The following LCAT variants were observed in gnomAD, a reference collection of about 807,000 sequenced individuals.
The protein encoded by LCAT is phosphatidylcholine-sterol acyltransferase.
In LCAT, 15 loss-of-function variants were observed where a neutral mutation model predicts 41.0. The ratio of observed to expected loss-of-function variants is 0.37; its 90% CI spans 0.24 to 0.56. The LOEUF is 0.56. LCAT is among the 20% of genes least tolerant of loss of function. The pLI is 0.81. For missense variants in LCAT, 449 were observed against 595.1 expected (o/e 0.75, Z 2.55); for synonymous variants, 248 against 245.4 (o/e 1.01, Z -0.10).
rs2151320023 is a variant in LCAT at position 67,940,480 on chromosome 16, T to C, written c.749-2A>G. On this transcript the variant is annotated splice_acceptor_variant, in intron 5 of 5. Transcript: ENST00000264005. LOFTEE classifies it high-confidence loss of function. Reference sequence around the variant, plus strand: ...TGATGGGGATGCCCTGGTTGTCACCTGTGGATATGGAGCAAGGTGGGACAG... The same window carrying C: ...TGATGGGGATGCCCTGGTTGTCACCCGTGGATATGGAGCAAGGTGGGACAG... 1 of 1,613,866 alleles carries C rather than the reference T, an allele frequency of 6.2e-7. No homozygotes were observed. Among genetic ancestry groups the C allele is most frequent in the East Asian group, 2.2e-5 (1 of 44,854 alleles).
Position 67,942,777 on chromosome 16 carries a change from A to T in LCAT, c.428-11T>A. 6.2e-7 allele frequency: 1 copy of T among 1,612,738 alleles called. No individual in the cohort carries two copies. ...GTGTGTGCAGGTACCCTGTGGGGGGACCAGCAGCACCGGGGGCTTGGGCCA... is the reference window on the plus strand; with the variant it reads ...GTGTGTGCAGGTACCCTGTGGGGGGTCCAGCAGCACCGGGGGCTTGGGCCA... On this transcript the variant is annotated splice_polypyrimidine_tract_variant and intron_variant, in intron 3 of 5. Transcript: ENST00000264005. This position sits in a 1 kb window ranked among gnomAD's most constrained non-coding sequence, Gnocchi z 6.6.
Position 67,943,268 on chromosome 16 carries a change from C to T in LCAT, c.155-56G>A, listed in dbSNP as rs17240371. On this transcript the variant is annotated intron_variant, in intron 1 of 5. Coordinates refer to ENST00000264005, the MANE Select transcript of LCAT (RefSeq NM_000229.2). The surrounding 1 kb of genome is among the most constrained non-coding windows in gnomAD (Gnocchi z 4.6). ...GGATTCCCCCCGTGACCCTTACCCC[C>T]GTCACCCCAGATGCTGCAGTGACCA... 4,737 of 1,597,488 alleles carry T rather than the reference C, an allele frequency of 3.0e-3. 46 individuals are homozygous for T. The highest frequency in any genetic ancestry group is 0.017 in the South Asian group (1,508 of 90,562).
At position 67,942,019 on chromosome 16, in the gene LCAT, G is replaced by A. The variant is rs996605090; in HGVS notation, c.748+344C>T. 4.9e-6 allele frequency: 6 copies of A among 1,225,922 alleles called. No individual in the cohort carries two copies. The highest frequency in any genetic ancestry group is 6.2e-6 in the Non-Finnish European group (6 of 967,344). The allele number at this position is 1,225,922 out of a possible 1,614,324, so 75.9% of individuals were successfully genotyped here. A position where few individuals can be genotyped will look rare whatever the true frequency, so the allele number is the denominator to read the frequency against. On this transcript the variant is annotated intron_variant, in intron 5 of 5. Transcript: ENST00000264005. The surrounding 1 kb of genome is among the most constrained non-coding windows in gnomAD (Gnocchi z 6.6). Reference sequence around the variant, plus strand: ...CTCTGGCAGATCCATCCTCAGTGAAGCACATCCCTGGGCAAAGGCACTCCT... The same window carrying A: ...CTCTGGCAGATCCATCCTCAGTGAAACACATCCCTGGGCAAAGGCACTCCT...
Position 67,943,795 on chromosome 16 carries a change from G to A in LCAT, c.154+153C>T. On this transcript the variant is annotated intron_variant, in intron 1 of 5. Coordinates refer to ENST00000264005, the MANE Select transcript of LCAT (RefSeq NM_000229.2). The surrounding 1 kb of genome is among the most constrained non-coding windows in gnomAD (Gnocchi z 4.6). Reference sequence around the variant, plus strand: ...GGAGAAGGGACGTCATTCCTCTAAGGGACAAGCTTTTGGCCCCTCCCCACA... The same window carrying A: ...GGAGAAGGGACGTCATTCCTCTAAGAGACAAGCTTTTGGCCCCTCCCCACA... 1 of 707,300 alleles carries A rather than the reference G, an allele frequency of 1.4e-6. No individual in the cohort carries two copies. The highest frequency in any genetic ancestry group is 2.3e-6 in the Non-Finnish European group (1 of 430,984). 43.8% of individuals were successfully genotyped at this position (707,300 alleles called of 1,614,324 possible).
chr16:67,941,982 G>T lies in LCAT; in HGVS notation c.748+381C>A, dbSNP rs147412644. On this transcript the variant is annotated intron_variant, in intron 5 of 5. Transcript: ENST00000264005. ...GGAAGAGCAGGTGGGGCCTCGGGGG[G>T]TCTGGCCCTAGCTCTGGCAGATCCA... 6 of 1,198,942 alleles carry T rather than the reference G, an allele frequency of 5.0e-6. No homozygotes were observed. The African/African-American group carries it at 9.5e-5, about 19-fold the overall frequency. 74.3% of individuals were successfully genotyped at this position (1,198,942 alleles called of 1,614,324 possible).
intron 5 of LCAT, among the ~76,000 whole-genome samples, chr16:67,941,136 T>G (rs1042973555): frequency 3.3e-5 from 5 of 151,748 alleles, no homozygotes. Flanking sequence ...AAACCTAATC[T>G]CTACTAAAAA....
Position 67,942,567 on chromosome 16 carries a change from G to A in LCAT, c.544C>T (p.Arg182Cys), listed in dbSNP as rs387906300. 17 of 1,613,336 alleles carry A rather than the reference G, an allele frequency of 1.1e-5. No homozygotes were observed. Among genetic ancestry groups the A allele is most frequent in the South Asian group, 6.6e-5 (6 of 91,090 alleles). ...LEPGQQEEYY[R>C]KLAGLVEEMH... ...TCCTCCACCAGCCCTGCGAGCTTGC[G>A]GTAGTACTCCTCCTGCTGGCCTGCA... Residue 182 changes from arginine (R) to cysteine (C), a missense_variant, in exon 5 of 6, where the codon CGC becomes TGC. Transcript: ENST00000264005. The surrounding 1 kb of genome is among the most constrained non-coding windows in gnomAD (Gnocchi z 6.6).
chr16:67,944,119 C>A lies in LCAT; in HGVS notation c.-18G>T. On this transcript the variant is annotated 5_prime_UTR_variant, in exon 1 of 6. Transcript: ENST00000264005. This position sits in a 1 kb window ranked among gnomAD's most constrained non-coding sequence, Gnocchi z 6.6. ...GGCCCCATTCCAGCCCTGGTGCCTA[C>A]TGCCAGAGAAAGCGGCACTGGGCTG... The A allele has an allele frequency of 1.1e-5, 17 of 1,546,634 alleles. No homozygotes were observed. The highest frequency in any genetic ancestry group is 1.5e-5 in the Non-Finnish European group (17 of 1,145,442).
chr16:67,942,568 G>A lies in LCAT; in HGVS notation c.543C>T (p.Tyr181=), dbSNP rs764625130. Residue 181 remains tyrosine (Y), a synonymous_variant, in exon 5 of 6, where the codon TAC becomes TAT. Transcript: ENST00000264005. The surrounding 1 kb of genome is among the most constrained non-coding windows in gnomAD (Gnocchi z 6.6). Reference sequence around the variant, plus strand: ...CCTCCACCAGCCCTGCGAGCTTGCGGTAGTACTCCTCCTGCTGGCCTGCAG... The same window carrying A: ...CCTCCACCAGCCCTGCGAGCTTGCGATAGTACTCCTCCTGCTGGCCTGCAG... ...RLEPGQQEEY[Y]RKLAGLVEEM... 1 of 1,613,472 alleles carries A rather than the reference G, an allele frequency of 6.2e-7. No individual in the cohort carries two copies. Among genetic ancestry groups the A allele is most frequent in the South Asian group, 1.1e-5 (1 of 91,090 alleles).
At chr16:67,941,676 G>A in intron 5 of LCAT, 1 of 991,632 alleles carries the variant, frequency 1.0e-6, no homozygotes, top group South Asian at 4.5e-5. Flanking sequence ...GATGGTGGGT[G>A]AGGCCCAGGA....
rs1465968907 is a variant in LCAT, at chr16:67,942,526, A to G, written c.585T>C (p.Tyr195=). 1.9e-6 allele frequency: 3 copies of G among 1,613,546 alleles called. No individual in the cohort carries two copies. The highest frequency in any genetic ancestry group is 1.7e-5 in the Admixed American group (1 of 60,006). Residue 195 remains tyrosine (Y), a synonymous_variant, in exon 5 of 6, where the codon TAT becomes TAC. Coordinates refer to ENST00000264005, the MANE Select transcript of LCAT (RefSeq NM_000229.2). This position sits in a 1 kb window ranked among gnomAD's most constrained non-coding sequence, Gnocchi z 6.6. ...GGCCAATGAGGAAGACAGGCTTCCC[A>G]TAGGCAGCGTGCATCTCCTCCACCA... The part of the protein sequence containing the change: ...AGLVEEMHAA[Y]GKPVFLIGHS...
Position 67,942,183 on chromosome 16 carries a change from C to T in LCAT, c.748+180G>A. The T allele has an allele frequency of 7.6e-7, 1 of 1,322,326 alleles. No individual in the cohort carries two copies. Among genetic ancestry groups the T allele is most frequent in the Non-Finnish European group, 1.0e-6 (1 of 963,158 alleles). The allele number at this position is 1,322,326 out of a possible 1,614,324, so 81.9% of individuals were successfully genotyped here. A position where few individuals can be genotyped will look rare whatever the true frequency, so the allele number is the denominator to read the frequency against. ...TCACTGACACAGACTCTGGAAGGAG[C>T]CACCCTAATTGCTCAGGCCAGGGTC... is the stretch of plus-strand genomic sequence containing the variant. On this transcript the variant is annotated intron_variant, in intron 5 of 5. Transcript: ENST00000264005. The surrounding 1 kb of genome is among the most constrained non-coding windows in gnomAD (Gnocchi z 6.6).
In LCAT at chr16:67,943,733, C is replaced by G; in HGVS notation, c.154+215G>C. 1 of 580,712 alleles carries G rather than the reference C, an allele frequency of 1.7e-6. No homozygotes were observed. The highest frequency in any genetic ancestry group is 3.0e-6 in the Non-Finnish European group (1 of 332,442). 36.0% of individuals were successfully genotyped at this position (580,712 alleles called of 1,614,324 possible). ...GGCACACCCCGTCCCCCACTCCGCC[C>G]CCCCTGGGTTAGACAACTGAGAGTC... On this transcript the variant is annotated intron_variant, in intron 1 of 5. Transcript: ENST00000264005. This position sits in a 1 kb window ranked among gnomAD's most constrained non-coding sequence, Gnocchi z 4.6.
rs765059218 is a variant in LCAT, at chr16:67,943,099, T to A, written c.268A>T (p.Met90Leu). 2.4e-5 allele frequency: 38 copies of A among 1,613,862 alleles called. No homozygotes were observed. Among genetic ancestry groups the A allele is most frequent in the Non-Finnish European group, 3.1e-5 (37 of 1,179,936 alleles). ...CAGTCTACCCCAAGGGGTAGGAACA[T>A]GTTGAGATCCAGCCAGATGGTGAAG... ...DFFTIWLDLNMFLPLGVDCWI... is the reference protein window; with the variant it reads ...DFFTIWLDLNLFLPLGVDCWI... The change falls in exon 2 of 6, where the codon ATG (methionine) becomes TTG (leucine). Residue 90 changes from methionine (M) to leucine (L), a missense_variant. By Grantham distance (15) the Met-to-Leu change is conservative. Coordinates refer to ENST00000264005, the MANE Select transcript of LCAT (RefSeq NM_000229.2). This position sits in a 1 kb window ranked among gnomAD's most constrained non-coding sequence, Gnocchi z 4.6.
At chr16:67,941,848 G>C in intron 5 of LCAT, 2 of 1,057,646 alleles carry the variant, frequency 1.9e-6, no homozygotes, top group Non-Finnish European at 2.3e-6. Context: ...TCTGATGAGC[G>C]TTTCTCTTGT....
chr16:67,940,833 TACAAA>T, intron 5 of LCAT: 2 of 89,932 alleles, frequency 2.2e-5, no homozygotes, highest in Non-Finnish European at 4.0e-5. Flanking sequence ...ACCCTGTCTC[TACAAA>T]AAAAAAAAAA....
chr16:67,943,715 C>G lies in LCAT; in HGVS notation c.154+233G>C, dbSNP rs1050799711. 12 of 566,604 alleles carry G rather than the reference C, an allele frequency of 2.1e-5. No individual in the cohort carries two copies. In the Admixed American group the frequency reaches 2.2e-4, roughly 10 times the overall value. The allele number at this position is 566,604 out of a possible 1,614,324, so 35.1% of individuals were successfully genotyped here. A position where few individuals can be genotyped will look rare whatever the true frequency, so the allele number is the denominator to read the frequency against. ...GCCCCAGCCAAGACCTCAGGCACACCCCGTCCCCCACTCCGCCCCCCCTGG... is the reference window on the plus strand; with the variant it reads ...GCCCCAGCCAAGACCTCAGGCACACGCCGTCCCCCACTCCGCCCCCCCTGG... On this transcript the variant is annotated intron_variant, in intron 1 of 5. Transcript: ENST00000264005. This position sits in a 1 kb window ranked among gnomAD's most constrained non-coding sequence, Gnocchi z 4.6.
In LCAT at chr16:67,943,816, C is replaced by A; in HGVS notation, c.154+132G>T. On this transcript the variant is annotated intron_variant, in intron 1 of 5. Transcript: ENST00000264005. This position sits in a 1 kb window ranked among gnomAD's most constrained non-coding sequence, Gnocchi z 4.6. The stretch of plus-strand genomic sequence containing the variant: ...TAAGGGACAAGCTTTTGGCCCCTCC[C>A]CACACCAGGGCAGGTACTTATGTCG... 1 of 862,956 alleles carries A rather than the reference C, an allele frequency of 1.2e-6. No homozygotes were observed. 53.5% of individuals were successfully genotyped at this position (862,956 alleles called of 1,614,324 possible).
chr16:67,940,122 C>T lies in LCAT; in HGVS notation c.1105G>A (p.Asp369Asn). The T allele has an allele frequency of 1.2e-6, 2 of 1,613,438 alleles. No individual in the cohort carries two copies. Among genetic ancestry groups the T allele is most frequent in the Non-Finnish European group, 1.7e-6 (2 of 1,180,020 alleles). Residue 369 changes from aspartate to asparagine, a missense_variant, in exon 6 of 6, where the codon GAT becomes AAT. Asp to Asn is a conservative substitution (Grantham distance 23). Coordinates refer to ENST00000264005, the MANE Select transcript of LCAT (RefSeq NM_000229.2). The part of the protein sequence containing the change: ...DPVGVLYEDG[D>N]DTVATRSTEL... ...GTGCTGCGGGTCGCCACCGTGTCAT[C>T]ACCATCCTCATAGAGCACACCCACA...
Sources: gnomAD v4.1 joint callset for allele counts (sites outside exome capture counted in the v4.1 genomes callset) on GRCh38, gnomAD v4.1.1 for gene constraint, Gnocchi (gnomAD v3.1) non-coding constraint, MANE v1.5 for transcripts, NCBI Gene and HGNC (gene_info 2026-07-23, HGNC 2026-07-21) for gene names.